The following NFIA variants were observed in gnomAD, a reference collection of about 807,000 sequenced individuals.
NFIA encodes the protein nuclear factor I A.
A neutral mutation model predicts 62.8 loss-of-function variants in NFIA; 8 were observed. That is an observed-to-expected ratio of 0.13 (90% confidence interval 0.07 to 0.23). NFIA has a LOEUF of 0.23. Ranked by LOEUF, NFIA falls within the 10% of genes least tolerant of loss-of-function variation. NFIA has a pLI of 1.00. For missense variants in NFIA, 410 were observed against 642.1 expected (o/e 0.64, Z 3.91); for synonymous variants, 235 against 238.1 (o/e 0.99, Z 0.12).
At chr1:61,308,470 G>A (rs1235106235) in intron 3 of NFIA, among the ~76,000 whole-genome samples, 1 of 152,232 alleles carries the variant, frequency 6.6e-6, no homozygotes, top group African/African-American at 2.4e-5. Flanking sequence ...CCTCTCAGGT[G>A]TGTATAATCC....
intron 10 of NFIA, among the ~76,000 whole-genome samples, chr1:61,427,487 A>C (rs997926558): frequency 6.6e-6 from 1 of 152,344 alleles, no homozygotes; most frequent in East Asian, 1.9e-4. Context: ...AATTTTGTGC[A>C]CATGCCTGTG....
intron 2 of NFIA, among the ~76,000 whole-genome samples, chr1:61,172,204 C>T (rs1650010924): frequency 6.6e-6 from 1 of 152,096 alleles, no homozygotes; most frequent in African/African-American, 2.4e-5. Context: ...AGAAAGGAAC[C>T]TTTAGAAGTT....
chr1:61,149,856 T>G (rs1359104216), intron 2 of NFIA, among the ~76,000 whole-genome samples: 1 of 152,208 alleles, frequency 6.6e-6, no homozygotes, highest in Non-Finnish European at 1.5e-5. Flanking sequence ...TTTTGACCAC[T>G]GTTACTGCAA....
intron 4 of NFIA, among the ~76,000 whole-genome samples, chr1:61,333,072 C>T (rs940854777): frequency 2.1e-4 from 30 of 144,870 alleles, no homozygotes; most frequent in Non-Finnish European, 4.7e-5. Flanking sequence ...CACACATACA[C>T]ACACACACAC....
At chr1:61,424,013 A>T (rs905287375) in intron 9 of NFIA, among the ~76,000 whole-genome samples, 2 of 151,836 alleles carry the variant, frequency 1.3e-5, no homozygotes, top group African/African-American at 2.4e-5. Context: ...ATATATATAA[A>T]TGCAAACCCC....
At position 61,309,740 on chromosome 1, in the gene NFIA, T is replaced by G. The variant is rs1659996089; in HGVS notation, c.626-22772T>G. On this transcript the variant is annotated intron_variant, in intron 3 of 10. Transcript: ENST00000403491. ...CCCGTCTCTACTAAAAATACAAAAATTAGCTGGGTGTGGTGGCATGCACCT... is the reference window on the plus strand; with the variant it reads ...CCCGTCTCTACTAAAAATACAAAAAGTAGCTGGGTGTGGTGGCATGCACCT... 3.3e-5 allele frequency among the ~76,000 whole-genome samples: 5 copies of G among 152,180 alleles called. No individual in the cohort carries two copies. The South Asian group carries it at 6.2e-4, about 19-fold the overall frequency.
At position 61,461,635 on chromosome 1, in the gene NFIA, G is replaced by A. The variant is rs1183649993; in HGVS notation, c.*6315G>A. The A allele has an allele frequency of 6.6e-6, 1 of 152,168 alleles. No homozygotes were observed. Among genetic ancestry groups the A allele is most frequent in the Non-Finnish European group, 1.5e-5 (1 of 68,028 alleles). The allele number at this position is 152,168 out of a possible 1,614,324, so 9.4% of individuals were successfully genotyped here. A position where few individuals can be genotyped will look rare whatever the true frequency, so the allele number is the denominator to read the frequency against. ...CACCCACAGCTGGTCGTGAGAACAG[G>A]GAGACAGTGTGTGGGGGTGGGACCT... On this transcript the variant is annotated 3_prime_UTR_variant, in exon 11 of 11. Coordinates refer to ENST00000403491, the MANE Select transcript of NFIA (RefSeq NM_001134673.4).
At chr1:61,173,948 T>C (rs1425012096) in intron 2 of NFIA, among the ~76,000 whole-genome samples, 1 of 152,172 alleles carries the variant, frequency 6.6e-6, no homozygotes, top group Non-Finnish European at 1.5e-5. Context: ...TGGTACTCAA[T>C]ATCCTCTAAA....
rs150184533 is a variant in NFIA, at chr1:61,326,182, A to T, written c.626-6330A>T. Among the ~76,000 whole-genome samples, 520 of 152,204 alleles carry T rather than the reference A, an allele frequency of 3.4e-3. 5 individuals are homozygous for T. The highest frequency in any genetic ancestry group is 0.012 in the African/African-American group (480 of 41,538). Reference sequence around the variant, plus strand: ...GGGTGGAGGGAGCTTTATGGCCATGATGGACAATGCTACTGCCCTTTAACT... The same window carrying T: ...GGGTGGAGGGAGCTTTATGGCCATGTTGGACAATGCTACTGCCCTTTAACT... On this transcript the variant is annotated intron_variant, in intron 3 of 10. Coordinates refer to ENST00000403491, the MANE Select transcript of NFIA (RefSeq NM_001134673.4).
intron 1 of NFIA, among the ~76,000 whole-genome samples, chr1:61,086,983 G>A (rs1158077848): frequency 6.6e-6 from 1 of 152,160 alleles, no homozygotes; most frequent in Non-Finnish European, 1.5e-5. Context: ...AGGGGGTTAT[G>A]TGGCAGAGAG....
intron 2 of NFIA, among the ~76,000 whole-genome samples, chr1:61,239,030 T>C (rs1037785272): frequency 1.3e-5 from 2 of 152,208 alleles, no homozygotes; most frequent in Non-Finnish European, 2.9e-5. Context: ...GCAAATAAAA[T>C]GAAATATTTT....
chr1:61,403,935 A>G, intron 7 of NFIA, 169 bp from the exon 8 acceptor site: 2 of 681,152 alleles, frequency 2.9e-6, no homozygotes, highest in Admixed American at 2.9e-5. Context: ...TGTTTGTCTT[A>G]GAGCCTTAAG....
At chr1:61,235,823 AAAAG>A (rs1654978978) in intron 2 of NFIA, among the ~76,000 whole-genome samples, 3 of 151,644 alleles carry the variant, frequency 2.0e-5, no homozygotes, top group Admixed American at 2.0e-4. Flanking sequence ...AAAAAAAAAA[AAAAG>A]AAAAAGAAAA....
At chr1:61,233,432 G>A (rs1654799976) in intron 2 of NFIA, among the ~76,000 whole-genome samples, 2 of 152,194 alleles carry the variant, frequency 1.3e-5, no homozygotes, top group South Asian at 4.1e-4. Context: ...CCGTCACGAT[G>A]CTAAGCTATT....
Position 61,459,315 on chromosome 1 carries a change from A to ATT in NFIA, c.*3995_*3996insTT, listed in dbSNP as rs1286007899. The ATT allele has an allele frequency of 1.3e-5, 2 of 152,432 alleles. No individual in the cohort carries two copies. Among genetic ancestry groups the ATT allele is most frequent in the Non-Finnish European group, 2.9e-5 (2 of 68,238 alleles). 9.4% of individuals were successfully genotyped at this position (152,432 alleles called of 1,614,324 possible). On this transcript the variant is annotated 3_prime_UTR_variant, in exon 11 of 11. Transcript: ENST00000403491. ...TTCTTTGGGAACTGAAGTCAGAGGC[A>ATT]CGAACACTAACTCTTAGCATTTTTC...
At chr1:61,196,109 GTATGT>G (rs1557629080) in intron 2 of NFIA, among the ~76,000 whole-genome samples, 2 of 152,230 alleles carry the variant, frequency 1.3e-5, no homozygotes, top group South Asian at 4.2e-4. Context: ...TGCTTTGTAG[GTATGT>G]TTGTTCTTGT....
At chr1:61,116,542 T>C in intron 2 of NFIA, among the ~76,000 whole-genome samples, 1 of 152,184 alleles carries the variant, frequency 6.6e-6, no homozygotes, top group East Asian at 1.9e-4. Flanking sequence ...TTCTCGATGG[T>C]CTGTTATCTT....
intron 3 of NFIA, among the ~76,000 whole-genome samples, chr1:61,292,762 T>G (rs1658970670): frequency 6.6e-6 from 1 of 152,178 alleles, no homozygotes; most frequent in African/African-American, 2.4e-5. Flanking sequence ...GCTTTCTTGC[T>G]CCTTAAAATT....
At chr1:61,238,515 T>C (rs1300656066) in intron 2 of NFIA, among the ~76,000 whole-genome samples, 3 of 152,178 alleles carry the variant, frequency 2.0e-5, no homozygotes, top group African/African-American at 7.2e-5. Flanking sequence ...GTCTCTGAGG[T>C]TATGTTGCAA....
Sources: gnomAD v4.1 joint callset for allele counts (sites outside exome capture counted in the v4.1 genomes callset) on GRCh38, gnomAD v4.1.1 for gene constraint, MANE v1.5 for transcripts, NCBI Gene and HGNC (gene_info 2026-07-23, HGNC 2026-07-21) for gene names.